GRM7: variants seen among roughly 807,000 people sequenced by gnomAD.
GRM7 encodes the protein glutamate metabotropic receptor 7.
Under a neutral mutation model 84.5 loss-of-function variants are expected in GRM7, and 35 were observed. The ratio of observed to expected loss-of-function variants is 0.41; its 90% CI spans 0.32 to 0.55. The LOEUF (loss-of-function observed/expected upper bound fraction) is 0.55, where lower values mean the gene tolerates loss of function less well. GRM7 is among the 20% of genes least tolerant of loss of function. GRM7 has a pLI of 0.19. For missense variants in GRM7, 1,003 were observed against 1,194.6 expected (o/e 0.84, Z 2.36); for synonymous variants, 487 against 455.1 (o/e 1.07, Z -0.89).
At chr3:7,254,053 G>C (rs959853132) in intron 2 of GRM7, among the ~76,000 whole-genome samples, 1 of 152,168 alleles carries the variant, frequency 6.6e-6, no homozygotes, top group Non-Finnish European at 1.5e-5. Flanking sequence ...TGCAAGGAGA[G>C]GTAGGGTATC....
At position 7,136,251 on chromosome 3, in the gene GRM7, A is replaced by G. The variant is rs182969110; in HGVS notation, c.520-10201A>G. ...TCAAGTAAAATGAGGACCCAAGACC[A>G]TAAACACTGTATTTGCTATGTGGGC... On this transcript the variant is annotated intron_variant, in intron 1 of 9. Coordinates refer to ENST00000357716, the MANE Select transcript of GRM7 (RefSeq NM_000844.4). Among the ~76,000 whole-genome samples, 685 of 152,076 alleles carry G rather than the reference A, an allele frequency of 4.5e-3. 6 individuals carry two copies. The highest frequency in any genetic ancestry group is 0.016 in the African/African-American group (657 of 41,494).
At chr3:7,327,615 C>A (rs1267267066) in intron 4 of GRM7, among the ~76,000 whole-genome samples, 1 of 152,128 alleles carries the variant, frequency 6.6e-6, no homozygotes, top group Non-Finnish European at 1.5e-5. Context: ...ATTGCCACTC[C>A]CTAGTATAAA....
intron 2 of GRM7, among the ~76,000 whole-genome samples, chr3:7,249,543 A>G (rs1048823309): frequency 1.3e-5 from 2 of 152,212 alleles, no homozygotes; most frequent in Non-Finnish European, 2.9e-5. Flanking sequence ...GAAAATTCAT[A>G]TAGTTTAACG....
chr3:7,472,538 A>G (rs1275375709), intron 7 of GRM7, among the ~76,000 whole-genome samples: 1 of 152,222 alleles, frequency 6.6e-6, no homozygotes, highest in Non-Finnish European at 1.5e-5. Context: ...AAGTGATGCT[A>G]ACATCATAGG....
At chr3:7,670,480 T>C (rs997416390) in intron 8 of GRM7, among the ~76,000 whole-genome samples, 2 of 152,190 alleles carry the variant, frequency 1.3e-5, no homozygotes, top group African/African-American at 4.8e-5. Flanking sequence ...TCTGACATTG[T>C]CTTCTTGTCG....
chr3:7,183,662 A>C (rs1406742103), intron 2 of GRM7, among the ~76,000 whole-genome samples: 1 of 152,150 alleles, frequency 6.6e-6, no homozygotes, highest in Non-Finnish European at 1.5e-5. Context: ...AAATGAAAAA[A>C]ATAATGATGC....
At chr3:7,607,208 T>TCTC (rs1696620938) in intron 8 of GRM7, 1 of 152,176 alleles carries the variant, frequency 6.6e-6, no homozygotes, top group Admixed American at 6.5e-5. Context: ...ATTACCGAGA[T>TCTC]GTTATTAATA....
chr3:7,550,739 A>G (rs189985132), intron 7 of GRM7, among the ~76,000 whole-genome samples: 45 of 151,970 alleles, frequency 3.0e-4, no homozygotes, highest in African/African-American at 1.0e-3. Flanking sequence ...ATCACCCAGC[A>G]AACTCAGGTA....
intron 8 of GRM7, among the ~76,000 whole-genome samples, chr3:7,656,631 G>T (rs935250280): frequency 6.6e-6 from 1 of 151,680 alleles, no homozygotes; most frequent in Non-Finnish European, 1.5e-5. Flanking sequence ...GTCCCCAGGG[G>T]TAGGGAGGTT....
At chr3:6,877,949 CT>C (rs34919831) in intron 1 of GRM7, among the ~76,000 whole-genome samples, 74,293 of 145,338 alleles carry the variant, frequency 0.51, 18,998 homozygotes, top group African/African-American at 0.57. Flanking sequence ...CAATAACTTA[CT>C]TTTTTTTTTT....
intron 1 of GRM7, among the ~76,000 whole-genome samples, chr3:7,039,660 A>C (rs1388599995): frequency 6.6e-6 from 1 of 152,170 alleles, no homozygotes; most frequent in African/African-American, 2.4e-5. Flanking sequence ...ATACAAAGCT[A>C]AAATGCAGTT....
intron 9 of GRM7, chr3:7,681,140 TTTTAAGA>T (rs1189504482): frequency 6.6e-6 from 1 of 152,192 alleles, no homozygotes; most frequent in African/African-American, 2.4e-5. Flanking sequence ...AAAATACTAG[TTTTAAGA>T]TTTGTTTTCC....
chr3:7,429,679 G>T (rs934533540), intron 5 of GRM7, among the ~76,000 whole-genome samples: 2 of 152,120 alleles, frequency 1.3e-5, no homozygotes, highest in East Asian at 3.9e-4. Flanking sequence ...GTGGCTTGCC[G>T]AAAAGTCACT....
intron 1 of GRM7, among the ~76,000 whole-genome samples, chr3:7,121,554 C>T (rs1472153008): frequency 6.6e-6 from 1 of 152,134 alleles, no homozygotes; most frequent in Non-Finnish European, 1.5e-5. Flanking sequence ...TTCTTACAAC[C>T]AAAGCTTCAA....
At chr3:7,039,116 A>G (rs58531509) in intron 1 of GRM7, among the ~76,000 whole-genome samples, 19,929 of 152,052 alleles carry the variant, frequency 0.13, 4,469 homozygotes, top group African/African-American at 0.46. Context: ...AAAAATAATA[A>G]TAAAGCAAAA....
chr3:6,884,098 G>A (rs1695607998), intron 1 of GRM7: 2 of 152,634 alleles, frequency 1.3e-5, no homozygotes, highest in Admixed American at 1.3e-4. Flanking sequence ...TTGGTAAATA[G>A]GCAGAGCCAT....
chr3:7,456,585 A>T (rs1019916607), intron 6 of GRM7, among the ~76,000 whole-genome samples: 2 of 151,828 alleles, frequency 1.3e-5, no homozygotes, highest in African/African-American at 4.8e-5. Context: ...GCTTCCTGGA[A>T]TGTTATTCTT....
chr3:6,875,045 A>T (rs1695252692), intron 1 of GRM7, among the ~76,000 whole-genome samples: 1 of 151,842 alleles, frequency 6.6e-6, no homozygotes, highest in Admixed American at 6.6e-5. Context: ...ATAGCATCTA[A>T]CTCTATGCTT....
intron 2 of GRM7, among the ~76,000 whole-genome samples, chr3:7,241,264 A>G (rs1256680860): frequency 1.3e-5 from 2 of 152,184 alleles, no homozygotes; most frequent in Non-Finnish European, 1.5e-5. Flanking sequence ...GAATGTGGAT[A>G]AGGGTGTCTA....
Sources: allele counts gnomAD v4.1 joint callset (sites outside exome capture counted in the v4.1 genomes callset), GRCh38; gene constraint gnomAD v4.1.1; transcripts MANE v1.5; gene names NCBI Gene and HGNC (gene_info 2026-07-23, HGNC 2026-07-21).